The following EBF3 variants were observed in gnomAD, a reference collection of about 807,000 sequenced individuals.
EBF3 encodes the protein EBF transcription factor 3.
In EBF3, 18 loss-of-function variants were observed where a neutral mutation model predicts 77.1. The observed-to-expected ratio is 0.23, with a 90% CI of 0.16 to 0.35. The LOEUF (loss-of-function observed/expected upper bound fraction) is 0.35. Ranked by LOEUF, EBF3 falls within the 10% of genes least tolerant of loss-of-function variation. The pLI, the probability that EBF3 is intolerant of heterozygous loss-of-function variation, is 1.00. For synonymous variants in EBF3, 350 were observed against 343.5 expected (o/e 1.02, Z -0.21); for missense variants, 558 against 860.0 (o/e 0.65, Z 4.39).
At chr10:129,959,597 C>CGAAG (rs1304586201) in intron 4 of EBF3, among the ~76,000 whole-genome samples, 6 of 151,946 alleles carry the variant, frequency 3.9e-5, no homozygotes, top group Non-Finnish European at 8.8e-5. Context: ...CCGCGGCTTC[C>CGAAG]CGCGGCTTCC....
intron 6 of EBF3, among the ~76,000 whole-genome samples, chr10:129,939,253 T>C (rs915524740): frequency 6.6e-6 from 1 of 152,160 alleles, no homozygotes; most frequent in African/African-American, 2.4e-5. Context: ...CTGGCCCTCC[T>C]TCCTGCCCTC....
intron 6 of EBF3, among the ~76,000 whole-genome samples, chr10:129,945,331 G>A (rs990120093): frequency 2.0e-5 from 3 of 152,224 alleles, no homozygotes; most frequent in East Asian, 1.9e-4. Flanking sequence ...ACCATCCCTC[G>A]AAGATAACTC....
chr10:129,930,817 C>T (rs1564900382), intron 6 of EBF3, among the ~76,000 whole-genome samples: 1 of 147,108 alleles, frequency 6.8e-6, no homozygotes, highest in African/African-American at 2.5e-5. Flanking sequence ...ACAAATCCCC[C>T]TCTCATATAT....
At chr10:129,924,743 T>C (rs912248562) in intron 6 of EBF3, among the ~76,000 whole-genome samples, 1 of 152,182 alleles carries the variant, frequency 6.6e-6, no homozygotes, top group African/African-American at 2.4e-5. Flanking sequence ...CATGGCTCAC[T>C]GTAGCCTCGA....
Position 129,842,197 on chromosome 10 carries a change from G to A in EBF3, c.1291C>T (p.His431Tyr), listed in dbSNP as rs370659346. 1 of 1,614,240 alleles carries A rather than the reference G, an allele frequency of 6.2e-7. No individual in the cohort carries two copies. Among genetic ancestry groups the A allele is most frequent in the Non-Finnish European group, 8.5e-7 (1 of 1,180,040 alleles). ...GAGTTGACGCCCATCATGCCCGTGT[G>A]TGCAGGGTTGTTGCCCAGGGTGGGG... Reference protein sequence around the residue: ...QIPTLGNNPAHTGMMGVNSFS... With the variant: ...QIPTLGNNPAYTGMMGVNSFS... Residue 431 changes from histidine (H) to tyrosine (Y), a missense_variant, in exon 13 of 17, where the codon CAC becomes TAC. By Grantham distance (83) the His-to-Tyr change is moderately conservative. This residue lies in a region of EBF3 where 284 missense variants were observed against 368.3 expected (regional missense o/e 0.77). Transcript: ENST00000440978. The surrounding 1 kb of genome is among the most constrained non-coding windows in gnomAD (Gnocchi z 4.4).
chr10:129,870,596 C>G lies in EBF3; in HGVS notation c.782-2684G>C, dbSNP rs533250755. Among the ~76,000 whole-genome samples, 1 of 152,182 alleles carries G rather than the reference C, an allele frequency of 6.6e-6. No homozygotes were observed. Among genetic ancestry groups the G allele is most frequent in the East Asian group, 1.9e-4 (1 of 5,168 alleles). ...TGACCTGTTTTTAACTCTGAGGATCCTCTCAGCTACTTGGGAGAAGAGGCG... is the reference window on the plus strand; with the variant it reads ...TGACCTGTTTTTAACTCTGAGGATCGTCTCAGCTACTTGGGAGAAGAGGCG... On this transcript the variant is annotated intron_variant, in intron 8 of 16. Transcript: ENST00000440978. This position sits in a 1 kb window ranked among gnomAD's most constrained non-coding sequence, Gnocchi z 4.4.
At chr10:129,951,797 C>A (rs971452736) in intron 6 of EBF3, among the ~76,000 whole-genome samples, 1 of 152,240 alleles carries the variant, frequency 6.6e-6, no homozygotes, top group Non-Finnish European at 1.5e-5. Context: ...GCAGGGCAAA[C>A]CTACAAAGTG....
At position 129,841,045 on chromosome 10, in the gene EBF3, C is replaced by G. The variant is rs780796368; in HGVS notation, c.1373-13G>C. On this transcript the variant is annotated splice_polypyrimidine_tract_variant and intron_variant, in intron 13 of 16. Coordinates refer to ENST00000440978, the MANE Select transcript of EBF3 (RefSeq NM_001375380.1). This position sits in a 1 kb window ranked among gnomAD's most constrained non-coding sequence, Gnocchi z 4.6. ...CGACTGTAGCCGACTGTTGAAATCC[C>G]CCCCCCGGCCAAAAATAACATTATT... 6.2e-6 allele frequency: 10 copies of G among 1,600,364 alleles called. No individual in the cohort carries two copies. The highest frequency in any genetic ancestry group is 3.4e-5 in the Admixed American group (2 of 59,436).
rs1214137782 is a variant in EBF3 at position 129,952,643 on chromosome 10, A to G, written c.554+4615T>C. 6.6e-6 allele frequency among the ~76,000 whole-genome samples: 1 copy of G among 152,128 alleles called. No individual in the cohort carries two copies. The highest frequency in any genetic ancestry group is 6.5e-5 in the Admixed American group (1 of 15,272). On this transcript the variant is annotated intron_variant, in intron 6 of 16. Transcript: ENST00000440978. The surrounding 1 kb of genome is among the most constrained non-coding windows in gnomAD (Gnocchi z 4.7). ...CTTTAAGTTCTCTGCTTGGAGATGG[A>G]GTAGGAATAAAAACATTGGGACTGG...
chr10:129,850,243 C>T (rs538216315), intron 10 of EBF3, among the ~76,000 whole-genome samples: 1 of 152,326 alleles, frequency 6.6e-6, no homozygotes, highest in South Asian at 2.1e-4. Context: ...AGATGGGCGG[C>T]CATTATTGAT....
Position 129,938,423 on chromosome 10 carries a change from G to T in EBF3, c.554+18835C>A, listed in dbSNP as rs1857507745. ...ACAAAAATTAGCCAGGCATGGTGGTGCACACCTGTAGTCCCTGCTACCAGG... is the reference window on the plus strand; with the variant it reads ...ACAAAAATTAGCCAGGCATGGTGGTTCACACCTGTAGTCCCTGCTACCAGG... On this transcript the variant is annotated intron_variant, in intron 6 of 16. Coordinates refer to ENST00000440978, the MANE Select transcript of EBF3 (RefSeq NM_001375380.1). This position sits in a 1 kb window ranked among gnomAD's most constrained non-coding sequence, Gnocchi z 5.1. Among the ~76,000 whole-genome samples, 5 of 151,748 alleles carry T rather than the reference G, an allele frequency of 3.3e-5. No homozygotes were observed. The South Asian group carries it at 1.0e-3, about 32-fold the overall frequency.
At chr10:129,913,715 T>A (rs1417816420) in intron 6 of EBF3, among the ~76,000 whole-genome samples, 1 of 152,068 alleles carries the variant, frequency 6.6e-6, no homozygotes, top group Non-Finnish European at 1.5e-5. Context: ...GGCCCAGGGG[T>A]CTGGCTGTGA....
At chr10:129,923,872 A>G (rs2134373241) in intron 6 of EBF3, among the ~76,000 whole-genome samples, 1 of 152,386 alleles carries the variant, frequency 6.6e-6, no homozygotes, top group South Asian at 2.1e-4. Context: ...GAATGGAATA[A>G]ACTACTTGCA....
intron 6 of EBF3, among the ~76,000 whole-genome samples, chr10:129,926,281 G>T (rs1291159326): frequency 1.3e-5 from 2 of 152,216 alleles, no homozygotes; most frequent in Non-Finnish European, 2.9e-5. Flanking sequence ...GCCCGCAAGA[G>T]CATGGACTCC....
intron 10 of EBF3, among the ~76,000 whole-genome samples, chr10:129,860,750 AATAAT>A (rs1851572250): frequency 6.6e-6 from 1 of 152,206 alleles, no homozygotes; most frequent in Admixed American, 6.5e-5. Flanking sequence ...GAAATTAGCA[AATAAT>A]GTTCTTTTCC....
At chr10:129,937,636 C>T (rs1857450930) in intron 6 of EBF3, among the ~76,000 whole-genome samples, 2 of 152,152 alleles carry the variant, frequency 1.3e-5, no homozygotes, top group Non-Finnish European at 2.9e-5. Context: ...CTGTCCAGTC[C>T]CCGCCCCGTG....
intron 6 of EBF3, among the ~76,000 whole-genome samples, chr10:129,919,070 C>G (rs1246856186): frequency 6.6e-6 from 1 of 152,190 alleles, no homozygotes; most frequent in Non-Finnish European, 1.5e-5. Context: ...CTGAGACTCT[C>G]TCTGTCCCCG....
At chr10:129,956,161 T>C (rs913928512) in intron 6 of EBF3, among the ~76,000 whole-genome samples, 1 of 152,240 alleles carries the variant, frequency 6.6e-6, no homozygotes, top group South Asian at 2.1e-4. Context: ...AACATTAGCA[T>C]TGCTCTCCAC....
chr10:129,928,186 G>A (rs1856796500), intron 6 of EBF3, among the ~76,000 whole-genome samples: 1 of 152,198 alleles, frequency 6.6e-6, no homozygotes, highest in South Asian at 2.1e-4. Flanking sequence ...ACAGACGTGT[G>A]AAGCATTGTA....
Sources: allele counts gnomAD v4.1 joint callset (sites outside exome capture counted in the v4.1 genomes callset), GRCh38; gene constraint gnomAD v4.1.1; regional missense constraint gnomAD v4.1.1; non-coding constraint Gnocchi (gnomAD v3.1); transcripts MANE v1.5; gene names NCBI Gene and HGNC (gene_info 2026-07-23, HGNC 2026-07-21).